ADAMTS17: variants seen among roughly 807,000 people sequenced by gnomAD.
The protein encoded by ADAMTS17 is ADAM metallopeptidase with thrombospondin type 1 motif 17, also known as A disintegrin and metalloproteinase with thrombospondin motifs 17.
ADAMTS17 carries 113 observed loss-of-function variants against 141.5 expected under a neutral mutation model. The observed-to-expected ratio is 0.80, with a 90% CI of 0.69 to 0.93. ADAMTS17 has a LOEUF of 0.93. Ranked by LOEUF, ADAMTS17 falls within the 40% of genes least tolerant of loss-of-function variation. The pLI is 0.00. For synonymous variants in ADAMTS17, 768 were observed against 630.6 expected (o/e 1.22, Z -3.27); for missense variants, 1,659 against 1,517.9 (o/e 1.09, Z -1.54).
rs183527680 is a variant in ADAMTS17, at chr15:100,027,470, T to C, written c.2591+21387A>G. ...TGGTTAGATGAAGGGCATCCTATGA[T>C]AGTAGTGGGATTGACAAACTATGGC... On this transcript the variant is annotated intron_variant, in intron 18 of 21. Transcript: ENST00000268070. Among the ~76,000 whole-genome samples the C allele has an allele frequency of 2.1e-3, 325 of 152,374 alleles. 1 individual carries two copies. Among genetic ancestry groups the C allele is most frequent in the African/African-American group, 7.3e-3 (305 of 41,590 alleles).
At chr15:100,037,221 A>G (rs1395533153) in intron 18 of ADAMTS17, among the ~76,000 whole-genome samples, 1 of 152,216 alleles carries the variant, frequency 6.6e-6, no homozygotes, top group Non-Finnish European at 1.5e-5. Context: ...AACATTTGTT[A>G]TCATCTGTCT....
At chr15:100,038,851 G>A (rs1023123528) in intron 18 of ADAMTS17, among the ~76,000 whole-genome samples, 3 of 152,218 alleles carry the variant, frequency 2.0e-5, no homozygotes, top group Non-Finnish European at 4.4e-5. Context: ...TTAATAAAAT[G>A]TTGGATAGAA....
rs1482188470 is a variant in ADAMTS17, at chr15:100,194,201, T to A, written c.1181+5117A>T. 2.6e-5 allele frequency among the ~76,000 whole-genome samples: 4 copies of A among 151,986 alleles called. No homozygotes were observed. In the South Asian group the frequency reaches 8.3e-4, roughly 32 times the overall value. On this transcript the variant is annotated intron_variant, in intron 8 of 21. Coordinates refer to ENST00000268070, the MANE Select transcript of ADAMTS17 (RefSeq NM_139057.4). ...CCTGTCTCTAGACATCTCCCAGGAGTTTGCTGCCTTACCTGATTGAGACAC... is the reference window on the plus strand; with the variant it reads ...CCTGTCTCTAGACATCTCCCAGGAGATTGCTGCCTTACCTGATTGAGACAC...
chr15:100,341,960 C>CGGCGCCAGCCGGA lies in ADAMTS17; in HGVS notation c.-74_-62dup. On this transcript the variant is annotated 5_prime_UTR_variant, in exon 1 of 22. Coordinates refer to ENST00000268070, the MANE Select transcript of ADAMTS17 (RefSeq NM_139057.4). Reference sequence around the variant, plus strand: ...GGCGAAGCAGGAGCGCGCTAGGCGGCGGCGCCAGCCGGAGTGAAGCCCTCC... The same window carrying CGGCGCCAGCCGGA: ...GGCGAAGCAGGAGCGCGCTAGGCGGCGGCGCCAGCCGGAGGCGCCAGCCGGAGTGAAGCCCTCC... 1 of 1,538,154 alleles carries CGGCGCCAGCCGGA rather than the reference C, an allele frequency of 6.5e-7. No individual in the cohort carries two copies. Among genetic ancestry groups the CGGCGCCAGCCGGA allele is most frequent in the Non-Finnish European group, 8.8e-7 (1 of 1,139,218 alleles).
intron 18 of ADAMTS17, among the ~76,000 whole-genome samples, chr15:100,010,465 A>C (rs74036684): frequency 0.049 from 7,501 of 152,262 alleles, 609 homozygotes; most frequent in African/African-American, 0.17. Context: ...GTGGGAGGCA[A>C]GGCCCTTCCC....
chr15:100,279,421 G>A (rs1016681300), intron 4 of ADAMTS17, among the ~76,000 whole-genome samples: 5 of 152,102 alleles, frequency 3.3e-5, no homozygotes, highest in East Asian at 3.9e-4. Flanking sequence ...TGCAGATTCC[G>A]GGAATAGGCA....
At chr15:100,328,568 C>T (rs182159164) in intron 3 of ADAMTS17, among the ~76,000 whole-genome samples, 5 of 152,306 alleles carry the variant, frequency 3.3e-5, no homozygotes, top group Non-Finnish European at 5.9e-5. Context: ...AGAAATTTCT[C>T]CCTACAGTCT....
intron 18 of ADAMTS17, among the ~76,000 whole-genome samples, chr15:100,019,148 C>T (rs374933357): frequency 5.3e-5 from 8 of 152,162 alleles, no homozygotes; most frequent in South Asian, 2.1e-4. Flanking sequence ...AGCAACACGG[C>T]GAGTTCCCAG....
intron 4 of ADAMTS17, among the ~76,000 whole-genome samples, chr15:100,277,610 G>A (rs145695344): frequency 2.4e-4 from 36 of 152,340 alleles, no homozygotes; most frequent in African/African-American, 8.4e-4. Flanking sequence ...CCTCTCAGGC[G>A]TGCTCCGGGC....
At chr15:100,105,835 C>G in intron 14 of ADAMTS17, among the ~76,000 whole-genome samples, 1 of 151,982 alleles carries the variant, frequency 6.6e-6, no homozygotes, top group East Asian at 1.9e-4. Context: ...TTACAGGCAC[C>G]CATCACCACA....
intron 10 of ADAMTS17, among the ~76,000 whole-genome samples, chr15:100,141,152 T>C (rs1209909195): frequency 6.6e-6 from 1 of 152,196 alleles, no homozygotes; most frequent in Non-Finnish European, 1.5e-5. Flanking sequence ...TCAAGAGTCA[T>C]CCCCAGCATG....
Position 100,019,716 on chromosome 15 carries a change from C to T in ADAMTS17, c.2592-22127G>A, listed in dbSNP as rs143312757. On this transcript the variant is annotated intron_variant, in intron 18 of 21. Coordinates refer to ENST00000268070, the MANE Select transcript of ADAMTS17 (RefSeq NM_139057.4). ...GGAAATGAATCCTAAAACCTTAAGACGCCTGTGTGGGCCAAGCTACGTCTG... is the reference window on the plus strand; with the variant it reads ...GGAAATGAATCCTAAAACCTTAAGATGCCTGTGTGGGCCAAGCTACGTCTG... Among the ~76,000 whole-genome samples, 34 of 152,324 alleles carry T rather than the reference C, an allele frequency of 2.2e-4. No individual in the cohort carries two copies. In the East Asian group the frequency reaches 5.2e-3, roughly 23 times the overall value.
intron 3 of ADAMTS17, among the ~76,000 whole-genome samples, chr15:100,286,563 G>A (rs1413632291): frequency 1.3e-5 from 2 of 152,176 alleles, no homozygotes; most frequent in East Asian, 3.8e-4. Flanking sequence ...TGGGTGCTGA[G>A]CTGAGCCTTA....
intron 18 of ADAMTS17, among the ~76,000 whole-genome samples, chr15:100,046,225 G>A (rs1567083393): frequency 6.6e-6 from 1 of 152,150 alleles, no homozygotes; most frequent in Non-Finnish European, 1.5e-5. Flanking sequence ...TGTCTCCAGA[G>A]TTCTTAATTG....
intron 20 of ADAMTS17, among the ~76,000 whole-genome samples, chr15:99,981,171 T>C (rs2060476008): frequency 6.6e-6 from 1 of 152,202 alleles, no homozygotes; most frequent in Non-Finnish European, 1.5e-5. Context: ...GAAGCGGGAA[T>C]CAAAGAACCA....
chr15:99,974,678 G>A (rs1010520164), intron 21 of ADAMTS17, 116 bp from the exon 22 acceptor site: 159 of 1,356,740 alleles, frequency 1.2e-4, no homozygotes, highest in Non-Finnish European at 1.5e-4. Flanking sequence ...TCGTGCACAC[G>A]TCAACCCTTT....
Position 100,004,305 on chromosome 15 carries a change from G to A in ADAMTS17, c.2592-6716C>T, listed in dbSNP as rs565705657. Among the ~76,000 whole-genome samples the A allele has an allele frequency of 1.8e-4, 28 of 152,254 alleles. No homozygotes were observed. The South Asian group carries it at 4.6e-3, about 25-fold the overall frequency. ...TCTTGACAAATCTCAATGAGGTATGGGCAGAAAATGACTTCCTTAAAACTT... is the reference window on the plus strand; with the variant it reads ...TCTTGACAAATCTCAATGAGGTATGAGCAGAAAATGACTTCCTTAAAACTT... On this transcript the variant is annotated intron_variant, in intron 18 of 21. Transcript: ENST00000268070.
intron 18 of ADAMTS17, among the ~76,000 whole-genome samples, chr15:100,030,789 C>T (rs764453380): frequency 5.1e-4 from 77 of 152,130 alleles, no homozygotes; most frequent in Non-Finnish European, 8.1e-4. Flanking sequence ...GGGACCTGCC[C>T]GCAATCTTTT....
intron 18 of ADAMTS17, among the ~76,000 whole-genome samples, chr15:100,016,034 C>G (rs2061282439): frequency 6.6e-6 from 1 of 152,138 alleles, no homozygotes; most frequent in Non-Finnish European, 1.5e-5. Flanking sequence ...TAACATAATC[C>G]CAGACTTCTT....
Sources: allele counts gnomAD v4.1 joint callset (sites outside exome capture counted in the v4.1 genomes callset), GRCh38; gene constraint gnomAD v4.1.1; transcripts MANE v1.5; gene names NCBI Gene and HGNC (gene_info 2026-07-23, HGNC 2026-07-21).